SPATA20: variants seen among roughly 807,000 people sequenced by gnomAD.
SPATA20 encodes the protein spermatogenesis associated 20.
Under a neutral mutation model 98.9 loss-of-function variants are expected in SPATA20, and 74 were observed. The ratio of observed to expected loss-of-function variants is 0.75; its 90% CI spans 0.62 to 0.91. The LOEUF is 0.91. Ranked by LOEUF, SPATA20 falls within the 40% of genes least tolerant of loss-of-function variation. SPATA20 has a pLI of 0.00. For missense variants in SPATA20, 1,016 were observed against 1,069.8 expected, an observed-to-expected ratio of 0.95 and a Z score of 0.70; for synonymous variants, 430 against 440.5, an observed-to-expected ratio of 0.98 and a Z score of 0.30.
rs2034964814 is a variant in SPATA20 at position 50,549,082 on chromosome 17, C to G, written c.556C>G (p.Leu186Val). 2 of 1,613,608 alleles carry G rather than the reference C, an allele frequency of 1.2e-6. No homozygotes were observed. Among genetic ancestry groups the G allele is most frequent in the African/African-American group, 2.7e-5 (2 of 75,064 alleles). The change falls in exon 6 of 17, where the codon CTG becomes GTG. Residue 186 changes from leucine to valine, a missense_variant. Coordinates refer to ENST00000006658, the MANE Select transcript of SPATA20 (RefSeq NM_022827.4). The stretch of plus-strand genomic sequence containing the variant: ...CGGGGGCTGGCCCATGAATGTGTGG[C>G]TGACTCCCAACCTCCAGCCCTTTGT... The part of the protein sequence containing the change: ...SGGGWPMNVW[L>V]TPNLQPFVGG...
Position 50,550,936 on chromosome 17 carries a change from A to C in SPATA20, c.1383+19A>C, listed in dbSNP as rs766843639. 7 of 1,612,214 alleles carry C rather than the reference A, an allele frequency of 4.3e-6. No homozygotes were observed. The highest frequency in any genetic ancestry group is 3.3e-4 in the Middle Eastern group (2 of 6,080). ...CAGTCAGGTGAGGACTTCTGGGGTC[A>C]CCTGACGGGCCCTGGTGCCTGCCAG... On this transcript the variant is annotated intron_variant, in intron 11 of 16. Transcript: ENST00000006658.
Position 50,548,963 on chromosome 17 carries a change from A to C in SPATA20, c.515A>C (p.Gln172Pro), listed in dbSNP as rs1314921168. ...GACAAGGTGTACATGACGTTCGTGC[A>C]GGTGAGCAGCCCTCCTCGGGAGTGT... is the stretch of plus-strand genomic sequence containing the variant. ...DVDKVYMTFV[Q>P]ATSSGGGWPM... The change falls in exon 5 of 17, where the codon CAG becomes CCG. Residue 172 changes from glutamine (Q) to proline (P), a missense_variant and splice_region_variant. Coordinates refer to ENST00000006658, the MANE Select transcript of SPATA20 (RefSeq NM_022827.4). 1 of 1,614,166 alleles carries C rather than the reference A, an allele frequency of 6.2e-7. No individual in the cohort carries two copies. The highest frequency in any genetic ancestry group is 8.5e-7 in the Non-Finnish European group (1 of 1,180,022).
intron 4 of SPATA20, 84 bp from the exon 5 acceptor site, chr17:50,548,726 G>A (rs768897906): frequency 3.9e-5 from 62 of 1,589,336 alleles, no homozygotes; most frequent in Non-Finnish European, 4.8e-5. Context: ...AGGCCAGGAC[G>A]TCTTCCATGT....
rs201414649 is a variant in SPATA20 at position 50,550,703 on chromosome 17, C to T, written c.1174-5C>T. On this transcript the variant is annotated splice_polypyrimidine_tract_variant and splice_region_variant and intron_variant, in intron 10 of 16. Transcript: ENST00000006658. ...CGGGGCCAGCCAACTCTCCCCTCCCCACAGTCCGGAGGCTTCTATAGCGCA... is the reference window on the plus strand; with the variant it reads ...CGGGGCCAGCCAACTCTCCCCTCCCTACAGTCCGGAGGCTTCTATAGCGCA... 1.2e-6 allele frequency: 2 copies of T among 1,613,282 alleles called. No individual in the cohort carries two copies. The highest frequency in any genetic ancestry group is 8.5e-7 in the Non-Finnish European group (1 of 1,179,814).
chr17:50,552,227 G>A, intron 14 of SPATA20, 47 bp downstream of exon 14: 1 of 1,545,938 alleles, frequency 6.5e-7, no homozygotes, highest in East Asian at 2.3e-5. Context: ...AGGTGTAAGT[G>A]CAGCGTGGGT....
chr17:50,547,875 G>A, intron 2 of SPATA20, 108 bp downstream of exon 2: 1 of 1,168,588 alleles, frequency 8.6e-7, no homozygotes, highest in Non-Finnish European at 1.3e-6. Context: ...CCAACAGTAG[G>A]CTGCCTTCCA....
rs1476155904 is a variant in SPATA20 at position 50,548,614 on chromosome 17, C to T, written c.357C>T (p.Leu119=). Residue 119 remains leucine (L), a synonymous_variant, in exon 4 of 17, where the codon CTC becomes CTT. Transcript: ENST00000006658. ...KARKENKPIF[L]SVGYSTCHWC... ...GGAAGGAAAACAAGCCGATTTTCCTCTCAGGTAATGCTCCCACCTTCCCTG... is the reference window on the plus strand; with the variant it reads ...GGAAGGAAAACAAGCCGATTTTCCTTTCAGGTAATGCTCCCACCTTCCCTG... The T allele has an allele frequency of 4.3e-6, 7 of 1,612,914 alleles. No individual in the cohort carries two copies. In the Admixed American group the frequency reaches 5.0e-5, roughly 12 times the overall value.
rs757452191 is a variant in SPATA20 at position 50,548,492 on chromosome 17, G to A, written c.296+39G>A. ...CTGGGGCCCTGCCTGGAATCGCTGG[G>A]GTCCTGGGCCCCTCCCAGACCCCCT... On this transcript the variant is annotated intron_variant, in intron 3 of 16. Transcript: ENST00000006658. 3.7e-6 allele frequency: 6 copies of A among 1,613,472 alleles called. No individual in the cohort carries two copies. The South Asian group carries it at 5.5e-5, about 15-fold the overall frequency.
chr17:50,553,371 T>A (rs1307692107), intron 14 of SPATA20, among the ~76,000 whole-genome samples: 1 of 152,086 alleles, frequency 6.6e-6, no homozygotes, highest in African/African-American at 2.4e-5. Context: ...ACAGGTGTCA[T>A]TTAACCAAGG....
At chr17:50,550,339 C>T (rs2034991500) in intron 9 of SPATA20, 27 bp downstream of exon 9, 1 of 1,533,136 alleles carries the variant, frequency 6.5e-7, no homozygotes. Context: ...GCCCAGAGAA[C>T]AGGCATCTCA....
chr17:50,552,225 G>A lies in SPATA20; in HGVS notation c.1957+45G>A, dbSNP rs777731439. ...TAGTCTGGGGTCCTGGGAGGTGTAA[G>A]TGCAGCGTGGGTGAAGAGCTGGTGT... On this transcript the variant is annotated intron_variant, in intron 14 of 16. Transcript: ENST00000006658. 10 of 1,553,692 alleles carry A rather than the reference G, an allele frequency of 6.4e-6. No homozygotes were observed. In the African/African-American group the frequency reaches 8.1e-5, roughly 13 times the overall value.
At position 50,550,016 on chromosome 17, in the gene SPATA20, C is replaced by T; in HGVS notation, c.894C>T (p.Leu298=). ...VILSFLFSYW[L]SHRLTQDGSR... is the part of the protein sequence containing the mutation. ...TGAGCTTCCTGTTCTCCTACTGGCT[C>T]AGCCATCGACTGACTCAGGATGGCT... Residue 298 remains leucine (L), a synonymous_variant, in exon 8 of 17, where the codon CTC becomes CTT. Coordinates refer to ENST00000006658, the MANE Select transcript of SPATA20 (RefSeq NM_022827.4). The T allele has an allele frequency of 1.9e-6, 3 of 1,566,600 alleles. No individual in the cohort carries two copies. The highest frequency in any genetic ancestry group is 2.6e-6 in the Non-Finnish European group (3 of 1,150,238).
chr17:50,550,770 A>G lies in SPATA20; in HGVS notation c.1236A>G (p.Lys412=). ...DSPPERGQRP[K]EGAYYVWTVK... ...CCCCAGAGCGGGGCCAGCGGCCCAA[A>G]GAGGGCGCCTACTATGTGTGGACGG... Residue 412 remains lysine (K), a synonymous_variant, in exon 11 of 17, where the codon AAA becomes AAG. Transcript: ENST00000006658. 6.2e-7 allele frequency: 1 copy of G among 1,613,158 alleles called. No homozygotes were observed. Among genetic ancestry groups the G allele is most frequent in the Non-Finnish European group, 8.5e-7 (1 of 1,180,036 alleles).
At position 50,547,236 on chromosome 17, in the gene SPATA20, C is replaced by G. The variant is rs2034927120; in HGVS notation, c.28C>G (p.Arg10Gly). MLGARAWLGRVLLLPRAGAG... is the reference protein window; with the variant it reads MLGARAWLGGVLLLPRAGAG... ...GCTGGGCGCGCGGGCCTGGTTGGGC[C>G]GCGTCCTTCTGCTGCCCCGCGCCGG... Residue 10 changes from arginine (R) to glycine (G), a missense_variant, in exon 1 of 17, where the codon CGC becomes GGC. By Grantham distance (125) the Arg-to-Gly change is moderately radical. Transcript: ENST00000006658. The G allele has an allele frequency of 1.4e-6, 2 of 1,407,702 alleles. No individual in the cohort carries two copies. Among genetic ancestry groups the G allele is most frequent in the Non-Finnish European group, 1.8e-6 (2 of 1,091,764 alleles). 87.2% of individuals were successfully genotyped at this position (1,407,702 alleles called of 1,614,324 possible).
chr17:50,548,923 G>A lies in SPATA20; in HGVS notation c.475G>A (p.Glu159Lys), dbSNP rs1190764607. ...DFVSVKVDREERPDVDKVYMT... is the reference protein window; with the variant it reads ...DFVSVKVDREKRPDVDKVYMT... ...TGTGAGTGTGAAGGTAGACCGTGAG[G>A]AGCGGCCTGACGTGGACAAGGTGTA... The change falls in exon 5 of 17, where the codon GAG becomes AAG. Residue 159 changes from glutamate (E) to lysine (K), a missense_variant. Physicochemically the swap from Glu to Lys is moderately conservative, Grantham distance 56 (BLOSUM62 1). Transcript: ENST00000006658. 1 of 1,614,190 alleles carries A rather than the reference G, an allele frequency of 6.2e-7. No homozygotes were observed. The highest frequency in any genetic ancestry group is 1.1e-5 in the South Asian group (1 of 91,086).
rs1184250947 is a variant in SPATA20, at chr17:50,550,866, C to A, written c.1332C>A (p.Leu444=). 1 of 1,612,974 alleles carries A rather than the reference C, an allele frequency of 6.2e-7. No homozygotes were observed. The highest frequency in any genetic ancestry group is 8.5e-7 in the Non-Finnish European group (1 of 1,180,032). Reference sequence around the variant, plus strand: ...CCGAGCCGCTGACCTCAGGCCAGCTCCTCATGAAGCACTACGGCCTCACAG... The same window carrying A: ...CCGAGCCGCTGACCTCAGGCCAGCTACTCATGAAGCACTACGGCCTCACAG... ...GATEPLTSGQ[L]LMKHYGLTEA... is the part of the protein sequence containing the mutation. The change falls in exon 11 of 17, where the codon CTC becomes CTA. Residue 444 remains leucine, a synonymous_variant. Coordinates refer to ENST00000006658, the MANE Select transcript of SPATA20 (RefSeq NM_022827.4).
At position 50,548,529 on chromosome 17, in the gene SPATA20, T is replaced by C. The variant is rs372744153; in HGVS notation, c.297-25T>C. The stretch of plus-strand genomic sequence containing the variant: ...CTCCCAGACCCCCTGGGCTACTGAG[T>C]GATGCCCCACCCTGCTGGGTCTAGG... On this transcript the variant is annotated intron_variant, in intron 3 of 16. Transcript: ENST00000006658. The C allele has an allele frequency of 1.6e-5, 26 of 1,613,070 alleles. No homozygotes were observed. In the African/African-American group the frequency reaches 3.5e-4, roughly 22 times the overall value.
chr17:50,553,130 C>T (rs1380994671), intron 14 of SPATA20, among the ~76,000 whole-genome samples: 1 of 152,232 alleles, frequency 6.6e-6, no homozygotes, highest in Admixed American at 6.5e-5. Context: ...TGTGTGCCTG[C>T]TCCCTATCAC....
At position 50,550,325 on chromosome 17, in the gene SPATA20, C is replaced by T. The variant is rs1032339557; in HGVS notation, c.1098+13C>T. 1.3e-6 allele frequency: 2 copies of T among 1,563,662 alleles called. No individual in the cohort carries two copies. Among genetic ancestry groups the T allele is most frequent in the Admixed American group, 3.5e-5 (2 of 57,442 alleles). ...GCAGGCCTTCCAGGTGACCCCTGAC[C>T]CCAGCCCAGAGAACAGGCATCTCAC... is the stretch of plus-strand genomic sequence containing the variant. On this transcript the variant is annotated intron_variant, in intron 9 of 16. Transcript: ENST00000006658.
Sources: gnomAD v4.1 joint callset for allele counts (sites outside exome capture counted in the v4.1 genomes callset) on GRCh38, gnomAD v4.1.1 for gene constraint, MANE v1.5 for transcripts, NCBI Gene and HGNC (gene_info 2026-07-23, HGNC 2026-07-21) for gene names.